The following LPIN1 variants were observed in gnomAD, a reference collection of about 807,000 sequenced individuals.
LPIN1 encodes phosphatidate phosphatase LPIN1.
Under a neutral mutation model 107.5 loss-of-function variants are expected in LPIN1, and 71 were observed. The ratio of observed to expected loss-of-function variants is 0.66; its 90% CI spans 0.55 to 0.80. The LOEUF (loss-of-function observed/expected upper bound fraction) is 0.80, where lower values mean the gene tolerates loss of function less well. LPIN1 is among the 30% of genes least tolerant of loss of function. LPIN1 has a pLI of 0.00. For missense variants in LPIN1, 1,043 were observed against 1,160.6 expected, an observed-to-expected ratio of 0.90 and a Z score of 1.47; for synonymous variants, 445 against 452.6, an observed-to-expected ratio of 0.98 and a Z score of 0.21.
chr2:11,784,371 G>A (rs930080226), intron 9 of LPIN1: 5 of 1,125,528 alleles, frequency 4.4e-6, no homozygotes, highest in African/African-American at 3.3e-5. Context: ...TGTGAAATGC[G>A]CCTGCTCTAT....
chr2:11,814,930 C>G (rs967601736), intron 17 of LPIN1, among the ~76,000 whole-genome samples, 158 bp from the exon 18 acceptor site: 5 of 152,186 alleles, frequency 3.3e-5, no homozygotes, highest in Non-Finnish European at 7.3e-5. Context: ...AAGCCTATTT[C>G]TCAATTGCAA....
At chr2:11,791,651 T>C (rs1207470754) in intron 12 of LPIN1, 2 of 1,293,092 alleles carry the variant, frequency 1.5e-6, no homozygotes, top group Non-Finnish European at 2.0e-6. Flanking sequence ...TTTTTTGTTG[T>C]TGTTGTTGTG....
At chr2:11,784,406 C>T (rs527609967) in intron 9 of LPIN1, 375 of 1,113,284 alleles carry the variant, frequency 3.4e-4, no homozygotes, top group Middle Eastern at 4.2e-4. Context: ...GGGTACTGGG[C>T]GGCGCCCCAC....
chr2:11,733,386 C>T (rs1665450903), intron 1 of LPIN1, among the ~76,000 whole-genome samples: 1 of 152,182 alleles, frequency 6.6e-6, no homozygotes, highest in Non-Finnish European at 1.5e-5. Context: ...GACACACACA[C>T]ACCCCTAACA....
intron 1 of LPIN1, among the ~76,000 whole-genome samples, chr2:11,749,722 G>GCTCCCA: frequency 6.6e-6 from 1 of 152,184 alleles, no homozygotes; most frequent in East Asian, 1.9e-4. Context: ...GCGTTGTGCC[G>GCTCCCA]CTCCCACTCC....
At chr2:11,699,782 G>A (rs1294752125) in intron 1 of LPIN1, among the ~76,000 whole-genome samples, 1 of 152,132 alleles carries the variant, frequency 6.6e-6, no homozygotes, top group African/African-American at 2.4e-5. Context: ...TGGGGCACAG[G>A]CAAGCAAAGT....
intron 3 of LPIN1, among the ~76,000 whole-genome samples, chr2:11,768,957 C>CA (rs1014982952): frequency 6.6e-6 from 1 of 151,882 alleles, no homozygotes; most frequent in Non-Finnish European, 1.5e-5. Context: ...AAAAAGAAAC[C>CA]AAAAAAACCC....
In LPIN1 at chr2:11,766,623, C is replaced by A. The variant is rs532258410; in HGVS notation, c.192+890C>A. 2.5e-3 allele frequency among the ~76,000 whole-genome samples: 382 copies of A among 152,274 alleles called. 1 individual carries two copies. Among genetic ancestry groups the A allele is most frequent in the African/African-American group, 9.0e-3 (372 of 41,550 alleles). ...CTGTCCATGGGACCCATGTTCAAAA[C>A]GTGATGGCACTAGCACCAGCCAAGG... On this transcript the variant is annotated intron_variant, in intron 2 of 20. Coordinates refer to ENST00000674199, the MANE Select transcript of LPIN1 (RefSeq NM_001349206.2).
intron 1 of LPIN1, 38 bp downstream of exon 1, chr2:11,746,709 A>C (rs1269564237): frequency 5.2e-6 from 5 of 959,564 alleles, no homozygotes; most frequent in Non-Finnish European, 6.2e-6. Flanking sequence ...GCTGTGGAGC[A>C]GGGGCCGCAG....
At chr2:11,770,068 A>G (rs565676805) in intron 3 of LPIN1, among the ~76,000 whole-genome samples, 14 of 152,336 alleles carry the variant, frequency 9.2e-5, no homozygotes, top group African/African-American at 2.2e-4. Context: ...GAAGACTCCA[A>G]AAATACTAAT....
intron 17 of LPIN1, among the ~76,000 whole-genome samples, chr2:11,814,518 G>A (rs1316039315): frequency 1.4e-5 from 2 of 147,966 alleles, no homozygotes; most frequent in East Asian, 3.9e-4. Flanking sequence ...GTGCATGTGT[G>A]TGTGTGTGTG....
At chr2:11,724,581 T>C in intron 1 of LPIN1, 1 of 985,566 alleles carries the variant, frequency 1.0e-6, no homozygotes. Context: ...TAATGGAAGC[T>C]GAGCCAGGTC....
intron 1 of LPIN1, among the ~76,000 whole-genome samples, chr2:11,690,942 T>A (rs1553397724): frequency 6.6e-6 from 1 of 152,170 alleles, no homozygotes; most frequent in Non-Finnish European, 1.5e-5. Context: ...GATTGTTCAA[T>A]AACCTGATAA....
Position 11,779,645 on chromosome 2 carries a change from G to C in LPIN1, c.957G>C (p.Lys319Asn), listed in dbSNP as rs1399440510. The C allele has an allele frequency of 6.2e-7, 1 of 1,613,938 alleles. No individual in the cohort carries two copies. Among genetic ancestry groups the C allele is most frequent in the South Asian group, 1.1e-5 (1 of 91,072 alleles). Residue 319 changes from lysine to asparagine, a missense_variant and splice_region_variant, in exon 7 of 21, where the codon AAG (lysine) becomes AAC (asparagine). Lys to Asn is a moderately conservative substitution (Grantham distance 94). Coordinates refer to ENST00000674199, the MANE Select transcript of LPIN1 (RefSeq NM_001349206.2). ...WLWGELPQAA[K>N]SSSPHKMKES... ...GGGGAGAGCTGCCGCAGGCTGCTAA[G>C]GTGAGAGTCTCTTCAATTCTGCCAC...
At chr2:11,743,331 C>T (rs1666559124), upstream of LPIN1, among the ~76,000 whole-genome samples, 2 of 152,198 alleles carry the variant, frequency 1.3e-5, no homozygotes, top group Non-Finnish European at 2.9e-5. This position sits in a 1 kb window ranked among gnomAD's most constrained non-coding sequence, Gnocchi z 4.7. Flanking sequence ...GCTTTGGTTC[C>T]AGCTGTTTGC....
upstream of LPIN1, among the ~76,000 whole-genome samples, chr2:11,744,558 CCAGCTCAT>C (rs1246099649): frequency 6.6e-6 from 1 of 152,230 alleles, no homozygotes; most frequent in Non-Finnish European, 1.5e-5. Flanking sequence ...GCTGGGCCCC[CCAGCTCAT>C]CATTTTCAGA....
At chr2:11,701,722 A>C (rs1662882968) in intron 1 of LPIN1, among the ~76,000 whole-genome samples, 1 of 152,218 alleles carries the variant, frequency 6.6e-6, no homozygotes, top group South Asian at 2.1e-4. Flanking sequence ...TTAAATGACT[A>C]GGTCGAGGTC....
chr2:11,814,974 G>T, intron 17 of LPIN1, 114 bp from the exon 18 acceptor site: 1 of 959,896 alleles, frequency 1.0e-6, no homozygotes. Flanking sequence ...TTTTGTATGT[G>T]GGGGAACTTG....
intron 20 of LPIN1, among the ~76,000 whole-genome samples, chr2:11,822,362 A>ATC (rs1250277350): frequency 6.6e-6 from 1 of 151,840 alleles, no homozygotes; most frequent in African/African-American, 2.4e-5. Context: ...AGGCAGAAGA[A>ATC]TCACTTGAAC....
Sources: gnomAD v4.1 joint callset for allele counts (sites outside exome capture counted in the v4.1 genomes callset) on GRCh38, gnomAD v4.1.1 for gene constraint, Gnocchi (gnomAD v3.1) non-coding constraint, MANE v1.5 for transcripts, NCBI Gene and HGNC (gene_info 2026-07-23, HGNC 2026-07-21) for gene names.